FGA: variants seen among roughly 807,000 people sequenced by gnomAD.
FGA encodes fibrinogen alpha chain.
In FGA, 20 loss-of-function variants were observed where a neutral mutation model predicts 20.3. The ratio of observed to expected loss-of-function variants is 0.99; its 90% CI spans 0.69 to 1.43. The LOEUF (loss-of-function observed/expected upper bound fraction) is 1.43, where lower values mean the gene tolerates loss of function less well. Ranked by LOEUF, FGA falls within the 40% of genes most tolerant of loss-of-function variation. The pLI is 0.00. For synonymous variants in FGA, 306 were observed against 281.6 expected (o/e 1.09, Z -0.87); for missense variants, 777 against 784.7 (o/e 0.99, Z 0.12).
chr4:154,586,492 A>G lies in FGA; in HGVS notation c.937T>C (p.Ser313Pro). Residue 313 changes from serine (S) to proline (P), a missense_variant, in exon 5 of 5, where the codon TCT becomes CCT. By Grantham distance (74) the Ser-to-Pro change is moderately conservative (BLOSUM62 -1). Coordinates refer to ENST00000403106, the MANE Select transcript of FGA (RefSeq NM_021871.4). ...GSTGNRNPGS[S>P]GTGGTATWKP... ...CAGGTTGCAGTCCCTCCAGTCCCAG[A>G]GCTCCCAGGGTTTCGGTTTCCAGTA... is the stretch of plus-strand genomic sequence containing the variant. The G allele has an allele frequency of 6.2e-7, 1 of 1,613,354 alleles. No individual in the cohort carries two copies. The highest frequency in any genetic ancestry group is 8.5e-7 in the Non-Finnish European group (1 of 1,179,854).
chr4:154,586,245 G>A lies in FGA; in HGVS notation c.1184C>T (p.Pro395Leu), dbSNP rs150696254. The change falls in exon 5 of 5, where the codon CCA becomes CTA. Residue 395 changes from proline to leucine, a missense_variant. Physicochemically the swap from Pro to Leu is moderately conservative, Grantham distance 98 (BLOSUM62 -3). Transcript: ENST00000403106. ...CGCGTTCCCAGAGCCTGGGCTATCT[G>A]GCCTAAAACTTCCAGATTCAGAGTG... ...QWHSESGSFR[P>L]DSPGSGNARP... 26 of 1,613,922 alleles carry A rather than the reference G, an allele frequency of 1.6e-5. No individual in the cohort carries two copies. The highest frequency in any genetic ancestry group is 2.1e-5 in the Non-Finnish European group (25 of 1,179,956).
In FGA at chr4:154,585,460, C is replaced by A; in HGVS notation, c.*34G>T. ...GAGTTAAGAAGGAAATGCAAGGGGC[C>A]ATGGGAACACTGTGCAGAAATATTT... On this transcript the variant is annotated 3_prime_UTR_variant, in exon 5 of 5. Transcript: ENST00000403106. 7.2e-7 allele frequency: 1 copy of A among 1,389,078 alleles called. No individual in the cohort carries two copies. The highest frequency in any genetic ancestry group is 1.0e-6 in the Non-Finnish European group (1 of 977,292). 86.0% of individuals were successfully genotyped at this position (1,389,078 alleles called of 1,614,324 possible).
chr4:154,587,723 A>T (rs537149728), intron 3 of FGA, 66 bp from the exon 4 acceptor site: 2 of 982,844 alleles, frequency 2.0e-6, no homozygotes, highest in East Asian at 2.4e-5. Context: ...CCAGCAAAAA[A>T]GAAAGGAAGA....
chr4:154,590,091 T>C (rs1210411540), intron 1 of FGA, among the ~76,000 whole-genome samples: 3 of 152,206 alleles, frequency 2.0e-5, no homozygotes, highest in Non-Finnish European at 2.9e-5. Context: ...GAAAAGCGTA[T>C]TGCCTTACTA....
At chr4:154,590,028 T>C (rs188138073) in intron 1 of FGA, among the ~76,000 whole-genome samples, 1 of 152,340 alleles carries the variant, frequency 6.6e-6, no homozygotes, top group Admixed American at 6.5e-5. Context: ...CCTTCAAGTT[T>C]CTATGTAACC....
downstream of FGA, chr4:154,584,618 C>T: frequency 6.2e-7 from 1 of 1,614,146 alleles, no homozygotes; most frequent in Non-Finnish European, 8.5e-7. Context: ...TCTCCTTCCC[C>T]CTCGTCATTC....
chr4:154,584,187 A>G (rs774840219), downstream of FGA: 2 of 1,611,524 alleles, frequency 1.2e-6, no homozygotes, highest in South Asian at 2.2e-5. Context: ...CTGCCCCTCT[A>G]AAGGAAACCC....
At chr4:154,584,549 C>T (rs1007440681), downstream of FGA, 1 of 1,614,040 alleles carries the variant, frequency 6.2e-7, no homozygotes, top group Admixed American at 1.7e-5. Context: ...TCTAATTCAA[C>T]CCTAAGAACA....
rs1553964093 is a variant in FGA, at chr4:154,586,131, A to C, written c.1298T>G (p.Leu433Arg). The stretch of plus-strand genomic sequence containing the variant: ...CTCTTTATCTCCTTTAGAAGTGACC[A>C]GTTTTTCTGTGTGGTACTCTCTCCT... ...GTRREYHTEK[L>R]VTSKGDKELR... The change falls in exon 5 of 5, where the codon CTG becomes CGG. Residue 433 changes from leucine to arginine, a missense_variant. Transcript: ENST00000403106. 6.2e-7 allele frequency: 1 copy of C among 1,614,124 alleles called. No individual in the cohort carries two copies. The highest frequency in any genetic ancestry group is 8.5e-7 in the Non-Finnish European group (1 of 1,180,014).
downstream of FGA, chr4:154,584,853 G>A: frequency 6.4e-7 from 1 of 1,555,908 alleles, no homozygotes; most frequent in Non-Finnish European, 8.8e-7. Context: ...AAATTAAGCT[G>A]GTTGGAAGAA....
chr4:154,587,452 C>A, intron 4 of FGA, 60 bp downstream of exon 4: 1 of 1,465,780 alleles, frequency 6.8e-7, no homozygotes, highest in South Asian at 1.1e-5. Context: ...GCATAACTAT[C>A]GCCTTCCTTT....
downstream of FGA, chr4:154,584,433 A>G (rs1730659345): frequency 4.3e-6 from 7 of 1,614,170 alleles, no homozygotes; most frequent in Non-Finnish European, 5.1e-6. Flanking sequence ...CAATCAGAGC[A>G]TCACCCGCAG....
intron 3 of FGA, among the ~76,000 whole-genome samples, 168 bp downstream of exon 3, chr4:154,588,625 C>T (rs961488325): frequency 3.3e-5 from 5 of 152,124 alleles, no homozygotes; most frequent in South Asian, 2.1e-4. Flanking sequence ...GAAAAAATAA[C>T]GAAAACAAAA....
chr4:154,586,838 A>G lies in FGA; in HGVS notation c.591T>C (p.Tyr197=), dbSNP rs769630113. 2 of 1,614,186 alleles carry G rather than the reference A, an allele frequency of 1.2e-6. No individual in the cohort carries two copies. Among genetic ancestry groups the G allele is most frequent in the East Asian group, 2.2e-5 (1 of 44,886 alleles). The change falls in exon 5 of 5, where the codon TAT becomes TAC. Residue 197 remains tyrosine, a synonymous_variant. Coordinates refer to ENST00000403106, the MANE Select transcript of FGA (RefSeq NM_021871.4). ...ALAREVDLKD[Y]EDQQKQLEQV... Reference sequence around the variant, plus strand: ...GTTCAAGTTGCTTCTGCTGATCTTCATAGTCCTTCAGATCTACTTCACGAG... The same window carrying G: ...GTTCAAGTTGCTTCTGCTGATCTTCGTAGTCCTTCAGATCTACTTCACGAG...
At chr4:154,589,410 C>T in intron 2 of FGA, 27 bp downstream of exon 2, 1 of 1,613,356 alleles carries the variant, frequency 6.2e-7, no homozygotes, top group Non-Finnish European at 8.5e-7. Context: ...GGGAAGGAAT[C>T]TCCTGCTTCC....
chr4:154,587,741 G>GAGA (rs1730763985), intron 3 of FGA, 84 bp from the exon 4 acceptor site: 3 of 611,654 alleles, frequency 4.9e-6, no homozygotes, highest in African/African-American at 2.8e-5. Context: ...AGAAAGGAAG[G>GAGA]AAGGAGAAAG....
Position 154,586,123 on chromosome 4 carries a change from A to C in FGA, c.1306T>G (p.Ser436Ala). 6.2e-7 allele frequency: 1 copy of C among 1,614,154 alleles called. No homozygotes were observed. The highest frequency in any genetic ancestry group is 8.5e-7 in the Non-Finnish European group (1 of 1,180,006). ...REYHTEKLVTSKGDKELRTGK... is the reference protein window; with the variant it reads ...REYHTEKLVTAKGDKELRTGK... ...GTCCTGAGCTCTTTATCTCCTTTAGAAGTGACCAGTTTTTCTGTGTGGTAC... is the reference window on the plus strand; with the variant it reads ...GTCCTGAGCTCTTTATCTCCTTTAGCAGTGACCAGTTTTTCTGTGTGGTAC... Residue 436 changes from serine to alanine, a missense_variant, in exon 5 of 5, where the codon TCT becomes GCT. Transcript: ENST00000403106.
chr4:154,584,228 T>A (rs371456244), downstream of FGA: 41 of 1,609,366 alleles, frequency 2.5e-5, 1 homozygote, highest in Non-Finnish European at 3.4e-5. Flanking sequence ...TCATAAGGAC[T>A]GTTATTCCTT....
In FGA at chr4:154,585,322, G is replaced by T; in HGVS notation, c.*172C>A. On this transcript the variant is annotated 3_prime_UTR_variant, in exon 5 of 5. Transcript: ENST00000403106. The stretch of plus-strand genomic sequence containing the variant: ...ATTTATTGAGTCATGGCTCTGTACT[G>T]TTAGGCATTTGGGAATACAGAGATG... 8.4e-7 allele frequency: 1 copy of T among 1,196,972 alleles called. No homozygotes were observed. The highest frequency in any genetic ancestry group is 1.1e-6 in the Non-Finnish European group (1 of 877,642). The allele number at this position is 1,196,972 out of a possible 1,614,324, so 74.1% of individuals were successfully genotyped here.
Sources: gnomAD v4.1 joint callset for allele counts (sites outside exome capture counted in the v4.1 genomes callset) on GRCh38, gnomAD v4.1.1 for gene constraint, MANE v1.5 for transcripts, NCBI Gene and HGNC (gene_info 2026-07-23, HGNC 2026-07-21) for gene names.